BAIAP2L1: variants seen among roughly 807,000 people sequenced by gnomAD.
BAIAP2L1 encodes the protein BAR/IMD domain containing adaptor protein 2 like 1, also known as BAR/IMD domain-containing adapter protein 2-like 1.
Under a neutral mutation model 66.3 loss-of-function variants are expected in BAIAP2L1, and 35 were observed. That is an observed-to-expected ratio of 0.53 (90% confidence interval 0.40 to 0.70). The LOEUF is 0.70. Among genes scored for constraint, BAIAP2L1 ranks in the 30% least tolerant of loss-of-function variants. The pLI, the probability that BAIAP2L1 is intolerant of heterozygous loss-of-function variation, is 0.00. For missense variants in BAIAP2L1, 622 were observed against 656.9 expected (o/e 0.95, Z 0.58); for synonymous variants, 269 against 248.7 (o/e 1.08, Z -0.77).
chr7:98,351,385 A>G (rs927400991), intron 3 of BAIAP2L1, among the ~76,000 whole-genome samples: 8 of 152,174 alleles, frequency 5.3e-5, no homozygotes, highest in Non-Finnish European at 1.2e-4. Flanking sequence ...GCCATCTCCT[A>G]ACAGCCACAT....
intron 1 of BAIAP2L1, among the ~76,000 whole-genome samples, chr7:98,375,720 C>T (rs1292958006): frequency 2.4e-5 from 3 of 124,198 alleles, no homozygotes; most frequent in Admixed American, 1.0e-4. Context: ...CCAGCCTGGG[C>T]GACAAAAGCG....
intron 1 of BAIAP2L1, among the ~76,000 whole-genome samples, chr7:98,376,193 C>T (rs1802623802): frequency 6.6e-6 from 1 of 152,130 alleles, no homozygotes; most frequent in African/African-American, 2.4e-5. Context: ...AGCAAAGCTA[C>T]AGTATTCAGT....
At chr7:98,381,870 C>T (rs1368704629) in intron 1 of BAIAP2L1, among the ~76,000 whole-genome samples, 1 of 151,426 alleles carries the variant, frequency 6.6e-6, no homozygotes, top group African/African-American at 2.4e-5. Context: ...GTATCAAGCC[C>T]GTTAAGAAAA....
At chr7:98,296,710 A>T (rs921627893) in intron 12 of BAIAP2L1, among the ~76,000 whole-genome samples, 2 of 152,260 alleles carry the variant, frequency 1.3e-5, no homozygotes, top group African/African-American at 4.8e-5. Flanking sequence ...TTCCCGTTTA[A>T]CATCTGCATG....
chr7:98,340,764 A>G lies in BAIAP2L1; in HGVS notation c.214+14278T>C, dbSNP rs79848055. On this transcript the variant is annotated intron_variant, in intron 3 of 13. Transcript: ENST00000005260. ...TTACACCAATGCGCCTACACGACACATGGACTTCCACAGTACATGCTCTTA... is the reference window on the plus strand; with the variant it reads ...TTACACCAATGCGCCTACACGACACGTGGACTTCCACAGTACATGCTCTTA... 2.7e-3 allele frequency among the ~76,000 whole-genome samples: 412 copies of G among 151,036 alleles called. 12 individuals are homozygous for G. The East Asian group carries it at 0.051, about 19-fold the overall frequency.
intron 3 of BAIAP2L1, among the ~76,000 whole-genome samples, chr7:98,335,881 C>T (rs1801606817): frequency 6.6e-6 from 1 of 152,142 alleles, no homozygotes; most frequent in African/African-American, 2.4e-5. Flanking sequence ...GTCCCAAGGC[C>T]ATTTTTTATA....
At chr7:98,368,875 G>T (rs993504938) in intron 1 of BAIAP2L1, among the ~76,000 whole-genome samples, 1 of 149,882 alleles carries the variant, frequency 6.7e-6, no homozygotes, top group African/African-American at 2.5e-5. Flanking sequence ...CATACTTGTT[G>T]AAGACCTGGC....
At chr7:98,339,204 T>C (rs529955962) in intron 3 of BAIAP2L1, among the ~76,000 whole-genome samples, 6 of 152,222 alleles carry the variant, frequency 3.9e-5, no homozygotes, top group Non-Finnish European at 8.8e-5. Flanking sequence ...ACAGCTCCAA[T>C]GTGGCTGCTC....
At chr7:98,353,712 T>C (rs1308317663) in intron 3 of BAIAP2L1, among the ~76,000 whole-genome samples, 1 of 146,600 alleles carries the variant, frequency 6.8e-6, no homozygotes, top group Non-Finnish European at 1.5e-5. Flanking sequence ...GTAATCTCAG[T>C]ACTTTGGTAG....
intron 1 of BAIAP2L1, among the ~76,000 whole-genome samples, chr7:98,392,999 T>G (rs1803084864): frequency 6.7e-6 from 1 of 150,076 alleles, no homozygotes; most frequent in African/African-American, 2.4e-5. Context: ...GTAATTTTTG[T>G]AATTTTTGTG....
At chr7:98,333,595 T>C (rs534358857) in intron 3 of BAIAP2L1, among the ~76,000 whole-genome samples, 10 of 151,710 alleles carry the variant, frequency 6.6e-5, no homozygotes, top group African/African-American at 2.2e-4. Flanking sequence ...GAAGACTCTG[T>C]CTCAAAATAA....
chr7:98,364,302 C>A (rs1026005624), intron 1 of BAIAP2L1, among the ~76,000 whole-genome samples: 1 of 152,124 alleles, frequency 6.6e-6, no homozygotes, highest in African/African-American at 2.4e-5. Flanking sequence ...GTTTATCTAC[C>A]TTAAACTTGT....
At chr7:98,390,962 T>C (rs961906030) in intron 1 of BAIAP2L1, among the ~76,000 whole-genome samples, 1 of 151,204 alleles carries the variant, frequency 6.6e-6, no homozygotes, top group African/African-American at 2.4e-5. Context: ...GCCTCTGGAG[T>C]AGCTGGGACT....
chr7:98,309,985 G>A (rs941721528), intron 9 of BAIAP2L1: 1 of 157,324 alleles, frequency 6.4e-6, no homozygotes, highest in Non-Finnish European at 1.4e-5. Context: ...GAGTAGCTGG[G>A]ATTACAGGCA....
chr7:98,348,821 T>C (rs943455735), intron 3 of BAIAP2L1, among the ~76,000 whole-genome samples: 2 of 152,214 alleles, frequency 1.3e-5, no homozygotes, highest in African/African-American at 4.8e-5. Context: ...AATAACCCAC[T>C]GCCGAAGGTG....
Position 98,329,898 on chromosome 7 carries a change from C to T in BAIAP2L1, c.215-9600G>A, listed in dbSNP as rs551079969. Among the ~76,000 whole-genome samples, 25 of 152,102 alleles carry T rather than the reference C, an allele frequency of 1.6e-4. No individual in the cohort carries two copies. In the South Asian group the frequency reaches 3.1e-3, roughly 19 times the overall value. On this transcript the variant is annotated intron_variant, in intron 3 of 13. Coordinates refer to ENST00000005260, the MANE Select transcript of BAIAP2L1 (RefSeq NM_018842.5). ...ATATCTGTGGATTACAGCACAGAGC[C>T]GTAAGTAAGACACAGGCTTCATTTA... is the stretch of plus-strand genomic sequence containing the variant.
At chr7:98,298,479 G>A (rs1432274070) in intron 12 of BAIAP2L1, among the ~76,000 whole-genome samples, 1 of 151,990 alleles carries the variant, frequency 6.6e-6, no homozygotes, top group Non-Finnish European at 1.5e-5. Context: ...CAGGCGTAGT[G>A]GCGGGCGCCT....
intron 3 of BAIAP2L1, among the ~76,000 whole-genome samples, chr7:98,332,200 T>C (rs6465670): frequency 0.4 from 60,524 of 150,084 alleles, 13,064 homozygotes; most frequent in Middle Eastern, 0.56. Flanking sequence ...CTGGCCAACA[T>C]GGTGGAACTC....
chr7:98,351,027 T>C (rs1241794421), intron 3 of BAIAP2L1, among the ~76,000 whole-genome samples: 1 of 152,002 alleles, frequency 6.6e-6, no homozygotes, highest in Non-Finnish European at 1.5e-5. Context: ...TGGCTAATTT[T>C]TTGGTATTTT....
Sources: allele counts gnomAD v4.1 joint callset (sites outside exome capture counted in the v4.1 genomes callset), GRCh38; gene constraint gnomAD v4.1.1; transcripts MANE v1.5; gene names NCBI Gene and HGNC (gene_info 2026-07-23, HGNC 2026-07-21).